The following SMIM20 variants were observed in gnomAD, a reference collection of about 807,000 sequenced individuals.
SMIM20 encodes mitochondrial translation regulation assembly intermediate of cytochrome c oxidase protein of 7 kDa.
Under a neutral mutation model 8.7 loss-of-function variants are expected in SMIM20, and 3 were observed. The ratio of observed to expected loss-of-function variants is 0.34; its 90% CI spans 0.16 to 0.89. The LOEUF (loss-of-function observed/expected upper bound fraction) is 0.89. Among genes scored for constraint, SMIM20 ranks in the 40% least tolerant of loss-of-function variants. The pLI, the probability that SMIM20 is intolerant of heterozygous loss-of-function variation, is 0.49. For synonymous variants in SMIM20, 44 were observed against 33.6 expected (o/e 1.31, Z -1.07); for missense variants, 85 against 84.8 (o/e 1.00, Z -0.01).
chr4:25,917,221 CTGCA>C (rs1719106114), intron 1 of SMIM20, among the ~76,000 whole-genome samples: 1 of 151,808 alleles, frequency 6.6e-6, no homozygotes, highest in Non-Finnish European at 1.5e-5. Flanking sequence ...AGATGAGTGT[CTGCA>C]TAGCCTACTA....
rs1422283716 is a variant in SMIM20 at position 25,914,365 on chromosome 4, A to G, written c.52A>G (p.Ile18Val). 3.2e-6 allele frequency: 5 copies of G among 1,549,272 alleles called. No individual in the cohort carries two copies. In the South Asian group the frequency reaches 6.0e-5, roughly 18 times the overall value. Residue 18 changes from isoleucine (I) to valine (V), a missense_variant, in exon 1 of 3, where the codon ATC becomes GTC. By Grantham distance (29) the Ile-to-Val change is conservative. Coordinates refer to ENST00000506197, the MANE Select transcript of SMIM20 (RefSeq NM_001145432.3). ...CATTTTCGGCGGCTTCATCTCCCTG[A>G]TCGGCGCCGCCTTCTATCCCATCTA... ...ALIFGGFISLIGAAFYPIYFR... is the reference protein window; with the variant it reads ...ALIFGGFISLVGAAFYPIYFR...
rs755073157 is a variant in SMIM20 at position 25,914,244 on chromosome 4, G to C, written c.-70G>C. On this transcript the variant is annotated 5_prime_UTR_variant, in exon 1 of 3. Transcript: ENST00000506197. ...CCTCTTCCGAGCGGGGTCACGGCCC[G>C]GCCGTCGGTAACCTGGTTTCCGAGA... 1 of 1,510,278 alleles carries C rather than the reference G, an allele frequency of 6.6e-7. No individual in the cohort carries two copies. Among genetic ancestry groups the C allele is most frequent in the African/African-American group, 1.4e-5 (1 of 71,652 alleles). 93.6% of individuals were successfully genotyped at this position (1,510,278 alleles called of 1,614,324 possible). A position where few individuals can be genotyped will look rare whatever the true frequency, so the allele number is the denominator to read the frequency against.
chr4:25,929,083 TG>T lies in SMIM20; in HGVS notation c.167-70del, dbSNP rs369257380. ...AGCTCAGTTCTGATGTCATTTTGTTTGTTTGGGGTGGAGGAAAGTGGAAGGA... is the reference window on the plus strand; with the variant it reads ...AGCTCAGTTCTGATGTCATTTTGTTTTTTGGGGTGGAGGAAAGTGGAAGGA... On this transcript the variant is annotated intron_variant, in intron 2 of 2. Transcript: ENST00000506197. 6.6e-4 allele frequency: 1,010 copies of T among 1,520,554 alleles called. 13 individuals carry two copies. In the African/African-American group the frequency reaches 0.013, roughly 19 times the overall value. The allele number at this position is 1,520,554 out of a possible 1,614,324, so 94.2% of individuals were successfully genotyped here.
intron 1 of SMIM20, among the ~76,000 whole-genome samples, chr4:25,927,929 T>A (rs1169496118): frequency 6.6e-6 from 1 of 152,384 alleles, no homozygotes; most frequent in East Asian, 1.9e-4. Flanking sequence ...ATAAACTACA[T>A]CGTTTTCTTA....
chr4:25,914,558 A>G, intron 1 of SMIM20, 136 bp downstream of exon 1: 5 of 834,648 alleles, frequency 6.0e-6, no homozygotes, highest in Non-Finnish European at 1.7e-6. Flanking sequence ...TGCCATGTGC[A>G]GCTTTGTGAC....
chr4:25,925,118 T>C (rs1294563714), intron 1 of SMIM20, among the ~76,000 whole-genome samples: 1 of 152,232 alleles, frequency 6.6e-6, no homozygotes, highest in Non-Finnish European at 1.5e-5. Flanking sequence ...TCCAAACCAA[T>C]TCTGTTCTCA....
chr4:25,924,526 G>A (rs1719253573), intron 1 of SMIM20, among the ~76,000 whole-genome samples: 1 of 152,158 alleles, frequency 6.6e-6, no homozygotes, highest in Non-Finnish European at 1.5e-5. Flanking sequence ...TCCAAGAACA[G>A]TGCAGTAAAT....
intron 1 of SMIM20, among the ~76,000 whole-genome samples, chr4:25,916,008 T>C (rs1719086007): frequency 6.6e-6 from 1 of 152,126 alleles, no homozygotes; most frequent in African/African-American, 2.4e-5. Flanking sequence ...GAAACCCTGC[T>C]TGAGATGAAA....
chr4:25,924,786 G>A (rs376409339), intron 1 of SMIM20, among the ~76,000 whole-genome samples: 3 of 152,038 alleles, frequency 2.0e-5, no homozygotes, highest in Non-Finnish European at 4.4e-5. Flanking sequence ...ATCACAATGC[G>A]GTTTTCCAAT....
Position 25,915,854 on chromosome 4 carries a change from T to TGGGGGGGG in SMIM20, c.109+1436_109+1437insGGGGGGGG. Among the ~76,000 whole-genome samples the TGGGGGGGG allele has an allele frequency of 1.5e-3, 28 of 18,872 alleles. 2 individuals carry two copies. The highest frequency in any genetic ancestry group is 3.2e-3 in the South Asian group (1 of 308). The allele number at this position is 18,872 out of a possible 152,430, so 12.4% of individuals were successfully genotyped here. On this transcript the variant is annotated intron_variant, in intron 1 of 2. Coordinates refer to ENST00000506197, the MANE Select transcript of SMIM20 (RefSeq NM_001145432.3). ...CATTTTTGCTTGTCACAACTTGGGA[T>TGGGGGGGG]GGGGCGGGGGGGGGGTCGAGTGTTG...
chr4:25,927,356 A>G (rs1034301849), intron 1 of SMIM20, among the ~76,000 whole-genome samples: 3 of 152,212 alleles, frequency 2.0e-5, no homozygotes, highest in Non-Finnish European at 4.4e-5. Context: ...AATGAATATT[A>G]GATTTGGCCA....
intron 1 of SMIM20, among the ~76,000 whole-genome samples, chr4:25,927,983 T>G (rs1051058326): frequency 6.6e-6 from 1 of 152,262 alleles, no homozygotes; most frequent in Non-Finnish European, 1.5e-5. Flanking sequence ...CCTCGTGATA[T>G]CACGCCCACC....
chr4:25,925,496 C>T (rs898240950), intron 1 of SMIM20, among the ~76,000 whole-genome samples: 1 of 152,170 alleles, frequency 6.6e-6, no homozygotes, highest in African/African-American at 2.4e-5. Context: ...CTCGGCCTCC[C>T]AAAGTGCTAG....
chr4:25,916,458 C>A (rs1039372428), intron 1 of SMIM20, among the ~76,000 whole-genome samples: 11 of 151,518 alleles, frequency 7.3e-5, no homozygotes, highest in African/African-American at 2.7e-4. Context: ...GTGATCCACC[C>A]GCCTTGGCCT....
intron 1 of SMIM20, among the ~76,000 whole-genome samples, chr4:25,926,686 T>C (rs1322734624): frequency 6.6e-6 from 1 of 152,256 alleles, no homozygotes; most frequent in Admixed American, 6.5e-5. Context: ...CCAGCTTCTT[T>C]TGCCTTGCAG....
In SMIM20 at chr4:25,929,383, T is replaced by C. The variant is rs1711590101; in HGVS notation, c.*192T>C. 1.8e-6 allele frequency: 1 copy of C among 570,428 alleles called. No individual in the cohort carries two copies. The highest frequency in any genetic ancestry group is 3.0e-6 in the Non-Finnish European group (1 of 337,602). The allele number at this position is 570,428 out of a possible 1,614,324, so 35.3% of individuals were successfully genotyped here. Reference sequence around the variant, plus strand: ...TTCCCTTCTTAAGTATCAAAAGAACTCTGGAACAAATTATACCATTAGGAA... The same window carrying C: ...TTCCCTTCTTAAGTATCAAAAGAACCCTGGAACAAATTATACCATTAGGAA... On this transcript the variant is annotated 3_prime_UTR_variant, in exon 3 of 3. Coordinates refer to ENST00000506197, the MANE Select transcript of SMIM20 (RefSeq NM_001145432.3).
At chr4:25,928,580 C>A (rs560441002) in intron 2 of SMIM20, among the ~76,000 whole-genome samples, 1 of 152,196 alleles carries the variant, frequency 6.6e-6, no homozygotes, top group African/African-American at 2.4e-5. Flanking sequence ...ACTTTTTGCA[C>A]GTTTGCCAGG....
At chr4:25,915,301 T>C (rs1349155222) in intron 1 of SMIM20, among the ~76,000 whole-genome samples, 3 of 152,132 alleles carry the variant, frequency 2.0e-5, no homozygotes, top group African/African-American at 7.2e-5. Context: ...CTTTGATACA[T>C]CTGAAACCAT....
chr4:25,927,486 C>T (rs911642763), intron 1 of SMIM20, among the ~76,000 whole-genome samples: 8 of 152,218 alleles, frequency 5.3e-5, no homozygotes, highest in Admixed American at 2.6e-4. Flanking sequence ...CACTGTCAGC[C>T]TGATTAAAAC....
Sources: allele counts gnomAD v4.1 joint callset (sites outside exome capture counted in the v4.1 genomes callset), GRCh38; gene constraint gnomAD v4.1.1; transcripts MANE v1.5; gene names NCBI Gene and HGNC (gene_info 2026-07-23, HGNC 2026-07-21).